Variants in NME7 observed in about 807,000 individuals in gnomAD.
NME7 encodes NME/NM23 family member 7.
NME7 carries 41 observed loss-of-function variants against 49.1 expected under a neutral mutation model. That is an observed-to-expected ratio of 0.83 (90% CI 0.65 to 1.08). The LOEUF (loss-of-function observed/expected upper bound fraction) is 1.08, where lower values mean the gene tolerates loss of function less well. NME7 is among the 50% of genes least tolerant of loss of function. The probability of loss-of-function intolerance (pLI) is 0.00; values close to 1 mark genes in which losing one functional copy is unlikely to be tolerated. For synonymous variants in NME7, 139 were observed against 150.6 expected, an observed-to-expected ratio of 0.92 and a Z score of 0.56; for missense variants, 423 against 463.4, an observed-to-expected ratio of 0.91 and a Z score of 0.80.
chr1:169,232,072 C>T (rs1647645966), intron 9 of NME7, among the ~76,000 whole-genome samples: 1 of 152,084 alleles, frequency 6.6e-6, no homozygotes, highest in Non-Finnish European at 1.5e-5. Flanking sequence ...TTATAAGCTC[C>T]ACATTCTCAA....
chr1:169,365,602 C>G (rs1181769962), intron 1 of NME7, among the ~76,000 whole-genome samples: 1 of 151,932 alleles, frequency 6.6e-6, no homozygotes, highest in Non-Finnish European at 1.5e-5. Flanking sequence ...AAAAGCTAGA[C>G]AGAAAAGTGC....
At chr1:169,135,046 C>T (rs375742428) in intron 11 of NME7, among the ~76,000 whole-genome samples, 73 of 90,888 alleles carry the variant, frequency 8.0e-4, no homozygotes, top group African/African-American at 2.5e-3. Flanking sequence ...AAAAAATAGC[C>T]GAGCATGGTG....
chr1:169,222,965 A>C (rs1661190047), intron 10 of NME7, among the ~76,000 whole-genome samples: 1 of 152,180 alleles, frequency 6.6e-6, no homozygotes. Context: ...TCATACTTAG[A>C]CCCTGGTGAG....
chr1:169,298,687 TC>T lies in NME7; in HGVS notation c.516del (p.Trp172Ter). ...GAGTTTGCAGGTCCCAGCAGTCTTT[TC>T]CATTCACATATAGCATCATCTCTTA... Reference protein sequence around the residue: ...EILRDDAICEWKRLLGPANSG... With the variant: ...EILRDDAICEXKRLLGPANSG... On this transcript the variant is annotated frameshift_variant, in exon 6 of 12. Transcript: ENST00000367811. LOFTEE classifies it high-confidence loss of function. 1 of 1,613,902 alleles carries T rather than the reference TC, an allele frequency of 6.2e-7. No homozygotes were observed. The highest frequency in any genetic ancestry group is 8.5e-7 in the Non-Finnish European group (1 of 1,179,920).
At chr1:169,274,606 C>T (rs1443215126) in intron 7 of NME7, among the ~76,000 whole-genome samples, 1 of 132,898 alleles carries the variant, frequency 7.5e-6, no homozygotes, top group Non-Finnish European at 1.8e-5. Context: ...TTAGGTCTAA[C>T]GTTTAAGTCT....
At chr1:169,293,048 C>A (rs1490549013) in intron 6 of NME7, among the ~76,000 whole-genome samples, 1 of 151,998 alleles carries the variant, frequency 6.6e-6, no homozygotes, top group Non-Finnish European at 1.5e-5. Flanking sequence ...GTAATCCCAG[C>A]ATTTTGGGAG....
At chr1:169,195,866 T>C (rs115919225) in intron 10 of NME7, among the ~76,000 whole-genome samples, 1 of 151,314 alleles carries the variant, frequency 6.6e-6, no homozygotes, top group Non-Finnish European at 1.5e-5. Context: ...AAAAAATAAG[T>C]GTGTTCAATA....
intron 1 of NME7, among the ~76,000 whole-genome samples, chr1:169,348,668 A>T (rs932798655): frequency 1.3e-5 from 2 of 151,284 alleles, no homozygotes; most frequent in African/African-American, 2.5e-5. Flanking sequence ...CTGCCCAAAA[A>T]GCCATTTCAC....
chr1:169,137,659 G>T (rs1189108920), intron 11 of NME7, among the ~76,000 whole-genome samples: 1 of 152,130 alleles, frequency 6.6e-6, no homozygotes, highest in East Asian at 1.9e-4. Context: ...ACCTTTGCTG[G>T]GCTCCCTTTC....
chr1:169,247,013 T>C, intron 7 of NME7: 1 of 456,200 alleles, frequency 2.2e-6, no homozygotes, highest in Non-Finnish European at 4.4e-6. Flanking sequence ...AGAGAAGACC[T>C]ATGGGAATGA....
chr1:169,166,555 T>C (rs967081471), intron 11 of NME7, among the ~76,000 whole-genome samples: 1 of 152,166 alleles, frequency 6.6e-6, no homozygotes, highest in Non-Finnish European at 1.5e-5. Context: ...ACATATGAAG[T>C]TGGAGAAACT....
At chr1:169,291,262 A>T (rs964462822) in intron 6 of NME7, among the ~76,000 whole-genome samples, 6 of 152,300 alleles carry the variant, frequency 3.9e-5, no homozygotes, top group African/African-American at 1.4e-4. Flanking sequence ...AACCAACCCA[A>T]ATGCCCATCA....
At chr1:169,310,102 G>A (rs1227003884) in intron 3 of NME7, 22 bp from the exon 4 acceptor site, 3 of 1,442,104 alleles carry the variant, frequency 2.1e-6, no homozygotes, top group Middle Eastern at 1.7e-4. Context: ...CAAAAAATAA[G>A]TTTGCAAATA....
intron 10 of NME7, among the ~76,000 whole-genome samples, chr1:169,205,548 A>T (rs1278652907): frequency 6.6e-6 from 1 of 152,138 alleles, no homozygotes; most frequent in African/African-American, 2.4e-5. Flanking sequence ...CAACCGGCTT[A>T]TTCTTTTTCC....
At position 169,355,144 on chromosome 1, in the gene NME7, A is replaced by T. The variant is rs1281711235; in HGVS notation, c.3+12564T>A. Among the ~76,000 whole-genome samples, 15 of 31,358 alleles carry T rather than the reference A, an allele frequency of 4.8e-4. 2 individuals are homozygous for T. The highest frequency in any genetic ancestry group is 6.5e-4 in the Non-Finnish European group (11 of 16,826). The allele number at this position is 31,358 out of a possible 152,430, so 20.6% of individuals were successfully genotyped here. ...ACTATATATTATAGATATAATATAT[A>T]ATATACTATATATTATAGATATAAT... On this transcript the variant is annotated intron_variant, in intron 1 of 11. Transcript: ENST00000367811.
intron 3 of NME7, among the ~76,000 whole-genome samples, chr1:169,318,834 G>A (rs1291563389): frequency 1.3e-5 from 2 of 152,006 alleles, no homozygotes. Context: ...TTGCCTCTGA[G>A]AAGGAATGAC....
At chr1:169,151,546 A>G (rs1375936862) in intron 11 of NME7, among the ~76,000 whole-genome samples, 1 of 152,108 alleles carries the variant, frequency 6.6e-6, no homozygotes, top group Non-Finnish European at 1.5e-5. Context: ...GGTTGAGGGC[A>G]GGAGGCTGGA....
At chr1:169,356,720 A>C (rs1653478926) in intron 1 of NME7, among the ~76,000 whole-genome samples, 1 of 152,166 alleles carries the variant, frequency 6.6e-6, no homozygotes, top group Non-Finnish European at 1.5e-5. Flanking sequence ...TGAAGCACTT[A>C]ATTGTACAGG....
intron 7 of NME7, among the ~76,000 whole-genome samples, chr1:169,253,445 G>C (rs1437488141): frequency 6.6e-6 from 1 of 151,790 alleles, no homozygotes; most frequent in Non-Finnish European, 1.5e-5. Context: ...TTGCTTATCA[G>C]CTTAAGGAGA....
Sources: allele counts gnomAD v4.1 joint callset (sites outside exome capture counted in the v4.1 genomes callset), GRCh38; gene constraint gnomAD v4.1.1; transcripts MANE v1.5; gene names NCBI Gene and HGNC (gene_info 2026-07-23, HGNC 2026-07-21).